Variants in GJA3 observed in about 807,000 individuals in gnomAD.
The protein encoded by GJA3 is gap junction alpha-3 protein.
For missense variants in GJA3, 571 were observed against 620.3 expected (o/e 0.92, Z 0.84); for synonymous variants, 297 against 292.6 (o/e 1.02, Z -0.15).
Position 20,142,365 on chromosome 13 carries a change from C to A in GJA3, c.924G>T (p.Lys308Asn). 1 of 1,534,502 alleles carries A rather than the reference C, an allele frequency of 6.5e-7. No individual in the cohort carries two copies. The highest frequency in any genetic ancestry group is 8.8e-7 in the Non-Finnish European group (1 of 1,141,210). Residue 308 changes from lysine to asparagine, a missense_variant, in exon 2 of 2, where the codon AAG (lysine) becomes AAT (asparagine). Physicochemically the swap from Lys to Asn is moderately conservative, Grantham distance 94. Transcript: ENST00000241125. ...KLLALTEARG[K>N]GQSAKLYNGH... ...CGTTGTAGAGCTTGGCGGACTGGCC[C>A]TTTCCGCGCGCCTCGGTCAGGGCTA...
At chr13:20,154,004 A>G (rs1029402049) in intron 1 of GJA3, among the ~76,000 whole-genome samples, 1 of 152,208 alleles carries the variant, frequency 6.6e-6, no homozygotes, top group East Asian at 1.9e-4. Context: ...AGGACACCCA[A>G]TGGCAACAGT....
chr13:20,156,536 T>C (rs1217710065), intron 1 of GJA3, among the ~76,000 whole-genome samples: 1 of 152,164 alleles, frequency 6.6e-6, no homozygotes, highest in Non-Finnish European at 1.5e-5. Flanking sequence ...GGTCTTGAAC[T>C]CCTGACCTCA....
At chr13:20,158,122 G>A (rs1368410067) in intron 1 of GJA3, among the ~76,000 whole-genome samples, 1 of 152,102 alleles carries the variant, frequency 6.6e-6, no homozygotes, top group East Asian at 1.9e-4. Context: ...TTACATGCAT[G>A]AGCCACCACA....
intron 1 of GJA3, among the ~76,000 whole-genome samples, chr13:20,155,562 T>G (rs1015910813): frequency 2.6e-5 from 4 of 151,952 alleles, no homozygotes; most frequent in Non-Finnish European, 5.9e-5. Flanking sequence ...CTATGGTGTT[T>G]GTAGTCAAAT....
Position 20,142,570 on chromosome 13 carries a change from G to T in GJA3, c.719C>A (p.Pro240Gln). The T allele has an allele frequency of 6.3e-7, 1 of 1,595,972 alleles. No individual in the cohort carries two copies. Among genetic ancestry groups the T allele is most frequent in the Non-Finnish European group, 8.5e-7 (1 of 1,171,822 alleles). ...LKQGVTSRLG[P>Q]DASEAPLGTA... ...CCCCAGCGGGGCCTCGGAGGCGTCCGGGCCGAGGCGGCTGGTCACGCCCTG... is the reference window on the plus strand; with the variant it reads ...CCCCAGCGGGGCCTCGGAGGCGTCCTGGCCGAGGCGGCTGGTCACGCCCTG... Residue 240 changes from proline (P) to glutamine (Q), a missense_variant, in exon 2 of 2, where the codon CCG becomes CAG. Transcript: ENST00000241125.
rs752524182 is a variant in GJA3, at chr13:20,142,616, G to C, written c.673C>G (p.Leu225Val). Reference sequence around the variant, plus strand: ...CCCTGCTTGAGCTTCTTCCAGCCCAGGTGGTAGATCTCCAGCATGTTGAGC... The same window carrying C: ...CCCTGCTTGAGCTTCTTCCAGCCCACGTGGTAGATCTCCAGCATGTTGAGC... ...LLLNMLEIYH[L>V]GWKKLKQGVT... The change falls in exon 2 of 2, where the codon CTG (leucine) becomes GTG (valine). Residue 225 changes from leucine (L) to valine (V), a missense_variant. Coordinates refer to ENST00000241125, the MANE Select transcript of GJA3 (RefSeq NM_021954.4). 13 of 1,613,198 alleles carry C rather than the reference G, an allele frequency of 8.1e-6. No individual in the cohort carries two copies. Among genetic ancestry groups the C allele is most frequent in the Non-Finnish European group, 1.1e-5 (13 of 1,179,806 alleles).
rs117986452 is a variant in GJA3, at chr13:20,145,961, C to T, written c.-17-2656G>A. ...AGCAGCCTCTGGGCTCTAGAGTACA[C>T]CTGCTCCCTGTGCCTTTCCCCTAGG... On this transcript the variant is annotated intron_variant, in intron 1 of 1. Transcript: ENST00000241125. Among the ~76,000 whole-genome samples, 828 of 152,326 alleles carry T rather than the reference C, an allele frequency of 5.4e-3. 4 individuals carry two copies. Among genetic ancestry groups the T allele is most frequent in the Non-Finnish European group, 8.1e-3 (554 of 68,036 alleles).
upstream of GJA3, among the ~76,000 whole-genome samples, chr13:20,161,540 C>T (rs1200687880): frequency 6.6e-6 from 1 of 152,136 alleles, no homozygotes; most frequent in Non-Finnish European, 1.5e-5. Context: ...CCTGCAGCCG[C>T]CTGGGGACGC....
intron 1 of GJA3, among the ~76,000 whole-genome samples, chr13:20,155,174 A>G (rs1009610300): frequency 1.3e-5 from 2 of 152,142 alleles, no homozygotes; most frequent in African/African-American, 4.8e-5. Context: ...TTTATTTTTA[A>G]TATCCTAGCA....
chr13:20,157,832 T>A (rs140756118), intron 1 of GJA3, among the ~76,000 whole-genome samples: 97 of 152,242 alleles, frequency 6.4e-4, no homozygotes, highest in African/African-American at 2.0e-3. Context: ...ATATTACTGA[T>A]ATGCTAAGGA....
chr13:20,161,055 T>G (rs1279309434), upstream of GJA3: 1 of 152,384 alleles, frequency 6.6e-6, no homozygotes, highest in African/African-American at 2.4e-5. Context: ...CAGTGTGCGC[T>G]GCGCCCGACG....
intron 1 of GJA3, among the ~76,000 whole-genome samples, chr13:20,153,553 T>C (rs1448265732): frequency 6.6e-6 from 1 of 152,072 alleles, no homozygotes; most frequent in Non-Finnish European, 1.5e-5. Flanking sequence ...AAACACCACA[T>C]GTTCTCACTC....
chr13:20,142,759 G>A lies in GJA3; in HGVS notation c.530C>T (p.Pro177Leu), dbSNP rs377450812. 1.1e-5 allele frequency: 18 copies of A among 1,613,514 alleles called. 1 individual carries two copies. The East Asian group carries it at 1.3e-4, about 12-fold the overall frequency. The change falls in exon 2 of 2, where the codon CCG (proline) becomes CTG (leucine). Residue 177 changes from proline (P) to leucine (L), a missense_variant. Coordinates refer to ENST00000241125, the MANE Select transcript of GJA3 (RefSeq NM_021954.4). ...QYFLYGFELKPLYRCDRWPCP... is the reference protein window; with the variant it reads ...QYFLYGFELKLLYRCDRWPCP... Reference sequence around the variant, plus strand: ...GGGCCAGCGGTCGCAGCGGTAGAGCGGCTTCAGCTCGAAGCCGTACAGAAA... The same window carrying A: ...GGGCCAGCGGTCGCAGCGGTAGAGCAGCTTCAGCTCGAAGCCGTACAGAAA...
At position 20,142,148 on chromosome 13, in the gene GJA3, T is replaced by G; in HGVS notation, c.1141A>C (p.Ser381Arg). The change falls in exon 2 of 2, where the codon AGT becomes CGT. Residue 381 changes from serine to arginine, a missense_variant. By Grantham distance (110) the Ser-to-Arg change is moderately radical (BLOSUM62 -1). Transcript: ENST00000241125. ...APLLLDGSGS[S>R]LEGSALAGTP... ...CCTGCCAGGGCGCTCCCCTCCAGACTGCTGCCGCTCCCATCCAGCAGCAGG... is the reference window on the plus strand; with the variant it reads ...CCTGCCAGGGCGCTCCCCTCCAGACGGCTGCCGCTCCCATCCAGCAGCAGG... 2 of 1,531,290 alleles carry G rather than the reference T, an allele frequency of 1.3e-6. No homozygotes were observed. The highest frequency in any genetic ancestry group is 1.8e-6 in the Non-Finnish European group (2 of 1,139,726). 94.9% of individuals were successfully genotyped at this position (1,531,290 alleles called of 1,614,324 possible).
intron 1 of GJA3, among the ~76,000 whole-genome samples, chr13:20,154,726 T>G (rs149511643): frequency 6.6e-6 from 1 of 152,344 alleles, no homozygotes; most frequent in Admixed American, 6.5e-5. Context: ...CTAAAAAGTT[T>G]GTTCTGTTTT....
intron 1 of GJA3, among the ~76,000 whole-genome samples, chr13:20,151,011 G>A (rs558257845): frequency 1.3e-5 from 2 of 152,246 alleles, no homozygotes; most frequent in African/African-American, 4.8e-5. Context: ...CGTCAGGAAA[G>A]GAGAGAGCAT....
intron 1 of GJA3, 56 bp from the exon 2 acceptor site, chr13:20,143,361 G>A (rs373929632): frequency 2.0e-5 from 25 of 1,269,162 alleles, no homozygotes; most frequent in Non-Finnish European, 2.6e-5. Context: ...TGCCGGGTCC[G>A]CACCCATGGG....
intron 1 of GJA3, among the ~76,000 whole-genome samples, chr13:20,154,702 C>G (rs1958898022): frequency 6.6e-6 from 1 of 152,154 alleles, no homozygotes; most frequent in African/African-American, 2.4e-5. Flanking sequence ...ACATTTCCTT[C>G]CAGTCTTTCT....
rs1278980080 is a variant in GJA3 at position 20,142,655 on chromosome 13, A to C, written c.634T>G (p.Cys212Gly). The change falls in exon 2 of 2, where the codon TGC becomes GGC. Residue 212 changes from cysteine to glycine, a missense_variant. By Grantham distance (159) the Cys-to-Gly change is radical. Coordinates refer to ENST00000241125, the MANE Select transcript of GJA3 (RefSeq NM_021954.4). ...AGCATGTTGAGCAGCAGGGACGCGCAGGCCACCGCCAGCATGAAGATGATG... is the reference window on the plus strand; with the variant it reads ...AGCATGTTGAGCAGCAGGGACGCGCCGGCCACCGCCAGCATGAAGATGATG... ...IFIIFMLAVA[C>G]ASLLLNMLEI... is the part of the protein sequence containing the mutation. The C allele has an allele frequency of 6.2e-7, 1 of 1,613,696 alleles. No homozygotes were observed. The highest frequency in any genetic ancestry group is 8.5e-7 in the Non-Finnish European group (1 of 1,179,962).
Sources: allele counts gnomAD v4.1 joint callset (sites outside exome capture counted in the v4.1 genomes callset), GRCh38; gene constraint gnomAD v4.1.1; transcripts MANE v1.5; gene names NCBI Gene and HGNC (gene_info 2026-07-23, HGNC 2026-07-21).